Variants in UACA observed in about 807,000 individuals in gnomAD.
UACA encodes the protein uveal autoantigen with coiled-coil domains and ankyrin repeats.
Under a neutral mutation model 160.5 loss-of-function variants are expected in UACA, and 112 were observed. The ratio of observed to expected loss-of-function variants is 0.70; its 90% CI spans 0.60 to 0.82. UACA has a LOEUF of 0.82. Ranked by LOEUF, UACA falls within the 40% of genes least tolerant of loss-of-function variation. The probability of loss-of-function intolerance (pLI) is 0.00; values close to 1 mark genes in which losing one functional copy is unlikely to be tolerated. For missense variants in UACA, 1,574 were observed against 1,614.6 expected (o/e 0.97, Z 0.43); for synonymous variants, 557 against 568.4 (o/e 0.98, Z 0.29).
intron 17 of UACA, 33 bp from the exon 18 acceptor site, chr15:70,660,249 A>G: frequency 6.3e-7 from 1 of 1,583,522 alleles, no homozygotes. Context: ...AGATGTGACT[A>G]TCAGCGTTCA....
At chr15:70,770,050 ATACT>A in the UACA span, among the ~76,000 whole-genome samples, 1 of 152,250 alleles carries the variant, frequency 6.6e-6, no homozygotes, top group Non-Finnish European at 1.5e-5. Flanking sequence ...ATTTAAAAAA[ATACT>A]TACTGCATGA....
intron 15 of UACA, 144 bp from the exon 16 acceptor site, chr15:70,669,606 C>A (rs1897067914): frequency 6.5e-6 from 4 of 610,776 alleles, no homozygotes; most frequent in Middle Eastern, 4.5e-4. Context: ...AAAAAAATCA[C>A]AATGCTGATT....
intron 1 of UACA, chr15:70,701,997 C>A: frequency 5.1e-6 from 8 of 1,582,266 alleles, no homozygotes; most frequent in Non-Finnish European, 6.9e-6. Flanking sequence ...AAAGCAAACT[C>A]TCAGACAAAC....
At chr15:70,747,348 A>G (rs759308492) in intron 1 of UACA, among the ~76,000 whole-genome samples, 12 of 150,724 alleles carry the variant, frequency 8.0e-5, no homozygotes, top group Non-Finnish European at 1.6e-4. Context: ...GGTTCAAGCA[A>G]TTCCCCCGCC....
chr15:70,724,015 C>T (rs1037794708), intron 1 of UACA, among the ~76,000 whole-genome samples: 14 of 152,164 alleles, frequency 9.2e-5, no homozygotes, highest in Non-Finnish European at 1.0e-4. Context: ...ATCTCTACTT[C>T]GTACACTTAT....
At chr15:70,714,740 G>A (rs150283214) in intron 1 of UACA, among the ~76,000 whole-genome samples, 318 of 152,216 alleles carry the variant, frequency 2.1e-3, no homozygotes, top group African/African-American at 4.1e-3. Context: ...CTAACCACCC[G>A]GTTTGATTCT....
chr15:70,770,066 A>C, the UACA span, among the ~76,000 whole-genome samples: 14 of 152,238 alleles, frequency 9.2e-5, no homozygotes, highest in Non-Finnish European at 1.6e-4. Flanking sequence ...ACTGCATGAT[A>C]TAATACATGG....
At position 70,669,225 on chromosome 15, in the gene UACA, C is replaced by T; in HGVS notation, c.1459G>A (p.Asp487Asn). 2 of 1,614,004 alleles carry T rather than the reference C, an allele frequency of 1.2e-6. No individual in the cohort carries two copies. The highest frequency in any genetic ancestry group is 1.7e-6 in the Non-Finnish European group (2 of 1,179,972). ...AATTGCTTTATCTGTTCATCTGAAT[C>T]CTCCTTGACCCTTTCACATTCTAAT... is the stretch of plus-strand genomic sequence containing the variant. The part of the protein sequence containing the change: ...LALECERVKE[D>N]SDEQIKQLED... Residue 487 changes from aspartate to asparagine, a missense_variant, in exon 16 of 19, where the codon GAT becomes AAT. Asp to Asn is a conservative substitution (Grantham distance 23). Transcript: ENST00000322954.
At chr15:70,720,424 C>T (rs1898955200) in intron 1 of UACA, among the ~76,000 whole-genome samples, 1 of 152,196 alleles carries the variant, frequency 6.6e-6, no homozygotes, top group African/African-American at 2.4e-5. Context: ...CTTCCCACCT[C>T]AGCCTCCCAA....
At chr15:70,774,050 C>A in the UACA span, among the ~76,000 whole-genome samples, 1 of 152,148 alleles carries the variant, frequency 6.6e-6, no homozygotes, top group Non-Finnish European at 1.5e-5. Flanking sequence ...TGTATGTATA[C>A]CCCATAGCAC....
intron 1 of UACA, among the ~76,000 whole-genome samples, chr15:70,712,768 T>C (rs539593235): frequency 1.4e-4 from 21 of 152,366 alleles, no homozygotes; most frequent in African/African-American, 4.6e-4. Flanking sequence ...TTTTGACTTC[T>C]TGTCCAGTGC....
intron 1 of UACA, chr15:70,701,778 G>A (rs762857491): frequency 2.8e-5 from 33 of 1,195,974 alleles, no homozygotes; most frequent in Non-Finnish European, 3.7e-5. Context: ...AAACAATAAA[G>A]CAAACCAAAT....
chr15:70,763,288 T>C, intron 1 of UACA, 42 bp downstream of exon 1: 1 of 1,315,340 alleles, frequency 7.6e-7, no homozygotes, highest in Non-Finnish European at 9.8e-7. Context: ...GCTGCGCTGC[T>C]CCCGGAGCGG....
chr15:70,699,373 G>T (rs938104071), intron 2 of UACA, among the ~76,000 whole-genome samples, 154 bp downstream of exon 2: 2 of 151,960 alleles, frequency 1.3e-5, no homozygotes. Context: ...TTTAAATTGA[G>T]AACAATTATT....
intron 1 of UACA, among the ~76,000 whole-genome samples, chr15:70,704,625 GGA>G (rs1458022426): frequency 6.6e-6 from 1 of 152,110 alleles, no homozygotes; most frequent in Admixed American, 6.5e-5. Flanking sequence ...TACAAAGCAA[GGA>G]TAACAATAGA....
At chr15:70,670,209 C>G (rs1272036310) in intron 15 of UACA, among the ~76,000 whole-genome samples, 1 of 152,110 alleles carries the variant, frequency 6.6e-6, no homozygotes, top group Admixed American at 6.6e-5. Context: ...GATGTATGAC[C>G]TTCTTCAGGG....
intron 13 of UACA, among the ~76,000 whole-genome samples, chr15:70,675,474 A>G (rs1897278056): frequency 6.6e-6 from 1 of 152,230 alleles, no homozygotes. Context: ...AACCCAGATT[A>G]AGATATAAAA....
chr15:70,703,138 T>A, intron 1 of UACA: 1 of 1,289,162 alleles, frequency 7.8e-7, no homozygotes, highest in Non-Finnish European at 1.0e-6. Context: ...TTTCTTACAT[T>A]ACCAAGGCCG....
At position 70,667,373 on chromosome 15, in the gene UACA, T is replaced by C; in HGVS notation, c.3311A>G (p.Gln1104Arg). ...AKQTSEILAVQNLLQKQHVPL... is the reference protein window; with the variant it reads ...AKQTSEILAVRNLLQKQHVPL... ...AACATGTTGTTTTTGCAAAAGATTTTGCACTGCAAGTATCTCAGAAGTCTG... is the reference window on the plus strand; with the variant it reads ...AACATGTTGTTTTTGCAAAAGATTTCGCACTGCAAGTATCTCAGAAGTCTG... Residue 1104 changes from glutamine (Q) to arginine (R), a missense_variant, in exon 16 of 19, where the codon CAA becomes CGA. Physicochemically the swap from Gln to Arg is conservative, Grantham distance 43. Coordinates refer to ENST00000322954, the MANE Select transcript of UACA (RefSeq NM_018003.4). The C allele has an allele frequency of 6.2e-7, 1 of 1,613,054 alleles. No homozygotes were observed.
Sources: gnomAD v4.1 joint callset for allele counts (sites outside exome capture counted in the v4.1 genomes callset) on GRCh38, gnomAD v4.1.1 for gene constraint, MANE v1.5 for transcripts, NCBI Gene and HGNC (gene_info 2026-07-23, HGNC 2026-07-21) for gene names.